Variants in LARP1B observed in about 807,000 individuals in gnomAD.
LARP1B encodes the protein la-related protein 1B.
Under a neutral mutation model 114.2 loss-of-function variants are expected in LARP1B, and 76 were observed. The observed-to-expected ratio is 0.67, with a 90% CI of 0.55 to 0.81. The LOEUF is 0.81. Ranked by LOEUF, LARP1B falls within the 30% of genes least tolerant of loss-of-function variation. LARP1B has a pLI of 0.00. For missense variants in LARP1B, 1,014 were observed against 1,075.8 expected (o/e 0.94, Z 0.80); for synonymous variants, 345 against 348.0 (o/e 0.99, Z 0.10).
At position 128,199,461 on chromosome 4, in the gene LARP1B, GA is replaced by G; in HGVS notation, c.2028del (p.Gly677AlafsTer4). 1 of 1,549,998 alleles carries G rather than the reference GA, an allele frequency of 6.5e-7. No homozygotes were observed. Among genetic ancestry groups the G allele is most frequent in the East Asian group, 2.4e-5 (1 of 42,520 alleles). ...CAGCACTTCAAATGCTTCACCTTCAGAAGGCGCACCACTAGCAGGAAGTTAT... is the reference window on the plus strand; with the variant it reads ...CAGCACTTCAAATGCTTCACCTTCAGAGGCGCACCACTAGCAGGAAGTTAT... ...SVSTSNASPS[E>X]GAPLAGSYGC... On this transcript the variant is annotated frameshift_variant, in exon 16 of 20. Coordinates refer to ENST00000326639, the MANE Select transcript of LARP1B (RefSeq NM_018078.4). LOFTEE classifies it high-confidence loss of function.
At chr4:128,113,351 CTTTTTTTTTT>C (rs781192228) in intron 9 of LARP1B, among the ~76,000 whole-genome samples, 1 of 136,704 alleles carries the variant, frequency 7.3e-6, no homozygotes. Flanking sequence ...TTCTTTTTTT[CTTTTTTTTTT>C]TTTTTGAGAC....
intron 15 of LARP1B, among the ~76,000 whole-genome samples, chr4:128,182,353 T>C (rs1199135973): frequency 6.6e-6 from 1 of 152,002 alleles, no homozygotes; most frequent in African/African-American, 2.4e-5. Flanking sequence ...CAAGCAGTTC[T>C]CCTATCTCGG....
In LARP1B at chr4:128,211,432, T is replaced by C; in HGVS notation, c.*1379T>C. 10 of 916,482 alleles carry C rather than the reference T, an allele frequency of 1.1e-5. No individual in the cohort carries two copies. The highest frequency in any genetic ancestry group is 1.3e-5 in the Non-Finnish European group (10 of 767,294). 56.8% of individuals were successfully genotyped at this position (916,482 alleles called of 1,614,324 possible). On this transcript the variant is annotated 3_prime_UTR_variant, in exon 20 of 20. Transcript: ENST00000326639. ...GATGGATGGGCTGTTAATTTGTAAA[T>C]AGGTTTTCATTAAGTTATTTCTCAT... is the stretch of plus-strand genomic sequence containing the variant.
At chr4:128,088,203 A>ATG (rs374010713) in intron 5 of LARP1B, among the ~76,000 whole-genome samples, 85,784 of 150,834 alleles carry the variant, frequency 0.57, 25,505 homozygotes, top group Middle Eastern at 0.79. Context: ...AATCAATAAT[A>ATG]ATGATGATGA....
intron 5 of LARP1B, among the ~76,000 whole-genome samples, chr4:128,083,849 C>T (rs1772012766): frequency 6.6e-6 from 1 of 151,680 alleles, no homozygotes; most frequent in South Asian, 2.1e-4. Context: ...GGCGGAGACG[C>T]TCCTCACTTC....
chr4:128,094,400 C>CTTTTTTTTTTTTTTTTTTTTTT (rs776529101), intron 7 of LARP1B, among the ~76,000 whole-genome samples: 1 of 128,740 alleles, frequency 7.8e-6, no homozygotes, highest in Non-Finnish European at 1.6e-5. Flanking sequence ...TTTTCTTTTT[C>CTTTTTTTTTTTTTTTTTTTTTT]TTTTTTTTTT....
At chr4:128,199,851 C>T (rs765281354) in intron 16 of LARP1B, among the ~76,000 whole-genome samples, 2 of 152,084 alleles carry the variant, frequency 1.3e-5, no homozygotes, top group Admixed American at 1.3e-4. Flanking sequence ...TTTGGGAGGC[C>T]GAGGCATGCA....
At chr4:128,079,031 T>TG (rs1443367497) in intron 4 of LARP1B, among the ~76,000 whole-genome samples, 8 of 152,100 alleles carry the variant, frequency 5.3e-5, no homozygotes, top group African/African-American at 1.9e-4. Flanking sequence ...GTAAAGTTGT[T>TG]GCCAACTTCT....
chr4:128,202,690 A>G (rs762278037), intron 17 of LARP1B, among the ~76,000 whole-genome samples: 1 of 152,174 alleles, frequency 6.6e-6, no homozygotes, highest in Non-Finnish European at 1.5e-5. Flanking sequence ...TCCTATACAC[A>G]TACCTCTGTG....
intron 14 of LARP1B, 73 bp from the exon 15 acceptor site, chr4:128,179,333 C>T: frequency 1.1e-6 from 1 of 878,566 alleles, no homozygotes. Flanking sequence ...CATTTATAGT[C>T]AGAGGGTTTT....
At chr4:128,222,602 T>A (rs1760103184), downstream of LARP1B, 1 of 277,128 alleles carries the variant, frequency 3.6e-6, no homozygotes, top group Non-Finnish European at 7.2e-6. Flanking sequence ...CCAAGAGAAG[T>A]TGTCTTTATT....
intron 11 of LARP1B, chr4:128,155,383 C>CG (rs1735026386): frequency 1.7e-6 from 1 of 594,170 alleles, no homozygotes; most frequent in Admixed American, 2.8e-5. Flanking sequence ...GCCGCCAGCC[C>CG]GGGGCATGTT....
chr4:128,074,022 C>G (rs1766795623), intron 1 of LARP1B, among the ~76,000 whole-genome samples: 1 of 151,920 alleles, frequency 6.6e-6, no homozygotes, highest in Non-Finnish European at 1.5e-5. Context: ...CTTACCGCAT[C>G]CTCTGCCTCC....
chr4:128,156,165 C>T lies in LARP1B; in HGVS notation c.1525-6029C>T. 5 of 1,610,470 alleles carry T rather than the reference C, an allele frequency of 3.1e-6. No homozygotes were observed. In the South Asian group the frequency reaches 3.3e-5, roughly 11 times the overall value. On this transcript the variant is annotated intron_variant, in intron 11 of 19. Transcript: ENST00000326639. ...GTAGCAGCAGCAGCGGAGACCCATCCTCTGACCCCCTTGGCTCTCCAACCC... is the reference window on the plus strand; with the variant it reads ...GTAGCAGCAGCAGCGGAGACCCATCTTCTGACCCCCTTGGCTCTCCAACCC...
chr4:128,197,880 C>CTTTTTTTT (rs35888649), intron 15 of LARP1B, among the ~76,000 whole-genome samples: 27 of 87,012 alleles, frequency 3.1e-4, no homozygotes, highest in East Asian at 1.4e-3. Context: ...ACGATTGTAG[C>CTTTTTTTT]TTTTTTTTTT....
At chr4:128,186,353 G>A (rs1465052399) in intron 15 of LARP1B, among the ~76,000 whole-genome samples, 5 of 151,888 alleles carry the variant, frequency 3.3e-5, no homozygotes, top group Non-Finnish European at 5.9e-5. Context: ...TTTCATCTGT[G>A]TTTTTTAGTT....
At chr4:128,142,494 T>C (rs1728468490) in intron 11 of LARP1B, among the ~76,000 whole-genome samples, 1 of 151,888 alleles carries the variant, frequency 6.6e-6, no homozygotes, top group African/African-American at 2.4e-5. Flanking sequence ...AGTCCTCTTA[T>C]GTTGTATATT....
chr4:128,064,590 G>A (rs1761706333), intron 1 of LARP1B, among the ~76,000 whole-genome samples: 1 of 152,050 alleles, frequency 6.6e-6, no homozygotes, highest in Admixed American at 6.6e-5. Flanking sequence ...AAAGCCCAGT[G>A]GCAAGCACTC....
intron 10 of LARP1B, among the ~76,000 whole-genome samples, chr4:128,116,741 A>T (rs1785970122): frequency 6.6e-6 from 1 of 152,156 alleles, no homozygotes; most frequent in East Asian, 1.9e-4. Context: ...TTTTTAATAT[A>T]CTTTTAAAAA....
Sources: allele counts gnomAD v4.1 joint callset (sites outside exome capture counted in the v4.1 genomes callset), GRCh38; gene constraint gnomAD v4.1.1; transcripts MANE v1.5; gene names NCBI Gene and HGNC (gene_info 2026-07-23, HGNC 2026-07-21).